Variants in TAFA5 observed in about 807,000 individuals in gnomAD.
TAFA5 encodes the protein TAFA chemokine like family member 5, also known as chemokine-like protein TAFA-5.
Under a neutral mutation model 15.3 loss-of-function variants are expected in TAFA5, and 6 were observed. The ratio of observed to expected loss-of-function variants is 0.39; its 90% CI spans 0.21 to 0.77. The LOEUF (loss-of-function observed/expected upper bound fraction) is 0.77. TAFA5 is among the 30% of genes least tolerant of loss of function. TAFA5 has a pLI of 0.41. For missense variants in TAFA5, 161 were observed against 193.1 expected (o/e 0.83, Z 0.98); for synonymous variants, 103 against 80.7 (o/e 1.28, Z -1.48).
chr22:48,532,915 A>C (rs531911544), intron 1 of TAFA5, among the ~76,000 whole-genome samples: 3 of 152,350 alleles, frequency 2.0e-5, no homozygotes, highest in Admixed American at 2.0e-4. Context: ...CTCCATGTCC[A>C]GGGTGAGAAA....
chr22:48,751,180 A>G lies in TAFA5; in HGVS notation c.*1333A>G, dbSNP rs376318942. ...CAATATCTTGAACATGCTTCTTCCA[A>G]TGGGTTTTGTTTCCCATTTCCTGCC... is the stretch of plus-strand genomic sequence containing the variant. On this transcript the variant is annotated 3_prime_UTR_variant, in exon 4 of 4. Transcript: ENST00000402357. 6.6e-6 allele frequency: 1 copy of G among 152,494 alleles called. No homozygotes were observed. The highest frequency in any genetic ancestry group is 2.1e-4 in the South Asian group (1 of 4,828). The allele number at this position is 152,494 out of a possible 1,614,324, so 9.4% of individuals were successfully genotyped here. A position where few individuals can be genotyped will look rare whatever the true frequency, so the allele number is the denominator to read the frequency against.
chr22:48,629,599 G>A (rs1321640719), intron 1 of TAFA5, among the ~76,000 whole-genome samples: 1 of 152,216 alleles, frequency 6.6e-6, no homozygotes, highest in Non-Finnish European at 1.5e-5. Context: ...CACAGGTTGG[G>A]TCACACTGCA....
chr22:48,635,818 C>T (rs578018423), intron 1 of TAFA5, among the ~76,000 whole-genome samples: 1 of 152,324 alleles, frequency 6.6e-6, no homozygotes, highest in East Asian at 1.9e-4. Flanking sequence ...TGGCTTGGGT[C>T]CTGGGGGCTG....
At chr22:48,642,866 AG>A (rs1441689160) in intron 1 of TAFA5, among the ~76,000 whole-genome samples, 1 of 152,138 alleles carries the variant, frequency 6.6e-6, no homozygotes, top group Admixed American at 6.6e-5. Context: ...TGTGGTACAC[AG>A]GGGGAACAGC....
chr22:48,538,139 A>G (rs1409021195), intron 1 of TAFA5, among the ~76,000 whole-genome samples: 1 of 150,054 alleles, frequency 6.7e-6, no homozygotes, highest in East Asian at 2.0e-4. Context: ...TTATAACAAA[A>G]AAAGAAAAAT....
intron 1 of TAFA5, among the ~76,000 whole-genome samples, chr22:48,588,258 A>G (rs1924432054): frequency 6.6e-6 from 1 of 151,982 alleles, no homozygotes; most frequent in African/African-American, 2.4e-5. Flanking sequence ...CTTCACTGTC[A>G]CCTCCTTTGC....
At chr22:48,510,803 G>C (rs577814160) in intron 1 of TAFA5, among the ~76,000 whole-genome samples, 3 of 152,260 alleles carry the variant, frequency 2.0e-5, no homozygotes, top group Non-Finnish European at 4.4e-5. Flanking sequence ...TGAGGCCTGC[G>C]TTCCTGCTGT....
chr22:48,590,521 C>T (rs1011406534), intron 1 of TAFA5, among the ~76,000 whole-genome samples: 1 of 152,142 alleles, frequency 6.6e-6, no homozygotes, highest in Admixed American at 6.5e-5. Flanking sequence ...TGGCCCAAGC[C>T]CGGGAGACAC....
chr22:48,693,183 C>T, intron 2 of TAFA5: 1 of 1,015,006 alleles, frequency 9.9e-7, no homozygotes, highest in Non-Finnish European at 1.4e-6. Context: ...CCTTGTCTGC[C>T]TGGAGGGGCC....
intron 1 of TAFA5, among the ~76,000 whole-genome samples, chr22:48,614,220 A>G (rs914090513): frequency 1.3e-5 from 2 of 151,680 alleles, no homozygotes; most frequent in African/African-American, 4.8e-5. Flanking sequence ...CCTCACCCCA[A>G]CTCTTCATTG....
chr22:48,661,611 C>T (rs1927443399), intron 2 of TAFA5, among the ~76,000 whole-genome samples: 1 of 152,198 alleles, frequency 6.6e-6, no homozygotes, highest in Non-Finnish European at 1.5e-5. Flanking sequence ...GACAGTGCAG[C>T]AGGGAACAGA....
chr22:48,573,145 C>G (rs1416801760), intron 1 of TAFA5, among the ~76,000 whole-genome samples: 2 of 152,168 alleles, frequency 1.3e-5, no homozygotes, highest in Non-Finnish European at 2.9e-5. Context: ...ACACACCCAC[C>G]CGGCACTGTG....
chr22:48,538,339 T>C (rs1333322433), intron 1 of TAFA5, among the ~76,000 whole-genome samples: 1 of 152,168 alleles, frequency 6.6e-6, no homozygotes, highest in Non-Finnish European at 1.5e-5. Context: ...CTCAGGCTGG[T>C]TGTGAGCCAG....
intron 1 of TAFA5, among the ~76,000 whole-genome samples, chr22:48,604,377 C>T (rs1001190464): frequency 1.3e-5 from 2 of 152,228 alleles, no homozygotes; most frequent in East Asian, 3.9e-4. Context: ...GCAGATTCCA[C>T]GGTGTTTTCT....
intron 1 of TAFA5, among the ~76,000 whole-genome samples, chr22:48,491,602 TC>T (rs1205325168): frequency 2.6e-5 from 4 of 152,248 alleles, no homozygotes; most frequent in Non-Finnish European, 4.4e-5. Flanking sequence ...ACACCGCACT[TC>T]CCGAGCCCGC....
At chr22:48,497,204 G>A (rs1477626908) in intron 1 of TAFA5, among the ~76,000 whole-genome samples, 1 of 152,244 alleles carries the variant, frequency 6.6e-6, no homozygotes, top group East Asian at 1.9e-4. Flanking sequence ...CGGTGTTCCA[G>A]GCCGCGCCTC....
chr22:48,707,855 C>T lies in TAFA5; in HGVS notation c.390+11C>T, dbSNP rs767306569. 2.5e-6 allele frequency: 4 copies of T among 1,609,676 alleles called. No individual in the cohort carries two copies. Among genetic ancestry groups the T allele is most frequent in the Non-Finnish European group, 3.4e-6 (4 of 1,177,530 alleles). On this transcript the variant is annotated intron_variant, in intron 3 of 3. Coordinates refer to ENST00000402357, the MANE Select transcript of TAFA5 (RefSeq NM_001082967.3). ...ATAAAGACCACCACGGTATGTGGCC[C>T]TCGGCTTTCTCGTGGGTGTGCTGGG...
chr22:48,695,956 G>A (rs1322021134), intron 2 of TAFA5, among the ~76,000 whole-genome samples: 1 of 152,198 alleles, frequency 6.6e-6, no homozygotes, highest in African/African-American at 2.4e-5. Context: ...CAGACAGGAC[G>A]CAGAGGGTCA....
chr22:48,540,875 T>TAAA lies in TAFA5; in HGVS notation c.112+51187_112+51189dup, dbSNP rs34844674. Among the ~76,000 whole-genome samples, 671 of 129,812 alleles carry TAAA rather than the reference T, an allele frequency of 5.2e-3. 6 individuals carry two copies. The highest frequency in any genetic ancestry group is 0.015 in the Middle Eastern group (4 of 260). The allele number at this position is 129,812 out of a possible 152,430, so 85.2% of individuals were successfully genotyped here. A position where few individuals can be genotyped will look rare whatever the true frequency, so the allele number is the denominator to read the frequency against. On this transcript the variant is annotated intron_variant, in intron 1 of 3. Transcript: ENST00000402357. ...CTGTCAGACCATTTTTCATTGACAG[T>TAAA]AAAAAAAAAAAAAAAAAATACAAAC...
Sources: gnomAD v4.1 joint callset for allele counts (sites outside exome capture counted in the v4.1 genomes callset) on GRCh38, gnomAD v4.1.1 for gene constraint, MANE v1.5 for transcripts, NCBI Gene and HGNC (gene_info 2026-07-23, HGNC 2026-07-21) for gene names.